The following RBMS3 variants were observed in gnomAD, a reference collection of about 807,000 sequenced individuals.
RBMS3 encodes the protein RNA-binding motif, single-stranded-interacting protein 3.
In RBMS3, 27 loss-of-function variants were observed where a neutral mutation model predicts 66.8. The ratio of observed to expected loss-of-function variants is 0.40; its 90% confidence interval spans 0.30 to 0.56. The LOEUF (loss-of-function observed/expected upper bound fraction) is 0.56. RBMS3 is among the 20% of genes least tolerant of loss of function. RBMS3 has a pLI of 0.40. For synonymous variants in RBMS3, 188 were observed against 183.0 expected (o/e 1.03, Z -0.22); for missense variants, 513 against 549.5 (o/e 0.93, Z 0.66).
intron 12 of RBMS3, among the ~76,000 whole-genome samples, chr3:29,944,715 A>C (rs996778638): frequency 2.0e-5 from 3 of 151,782 alleles, no homozygotes; most frequent in African/African-American, 7.2e-5. Flanking sequence ...CACCCTGCAT[A>C]GGGTCTGACA....
chr3:29,955,409 TCA>T (rs1695966688), intron 12 of RBMS3, among the ~76,000 whole-genome samples: 1 of 151,992 alleles, frequency 6.6e-6, no homozygotes, highest in African/African-American at 2.4e-5. Flanking sequence ...AATTTCAAAG[TCA>T]CTGCCACTCA....
chr3:29,466,050 T>C (rs2042531317), intron 2 of RBMS3, among the ~76,000 whole-genome samples: 1 of 151,990 alleles, frequency 6.6e-6, no homozygotes, highest in Non-Finnish European at 1.5e-5. Flanking sequence ...TCACTGCTTG[T>C]AGCTGTTTCT....
intron 6 of RBMS3, among the ~76,000 whole-genome samples, chr3:29,818,154 C>T (rs1194732815): frequency 6.6e-6 from 1 of 152,030 alleles, no homozygotes; most frequent in East Asian, 1.9e-4. Flanking sequence ...ACATGAGAAG[C>T]TTATTTAATA....
intron 3 of RBMS3, among the ~76,000 whole-genome samples, chr3:29,517,087 G>A (rs191068090): frequency 3.9e-5 from 6 of 151,972 alleles, no homozygotes; most frequent in Admixed American, 3.9e-4. Flanking sequence ...GGTGGCACGT[G>A]TCTGTCGCCC....
chr3:29,970,029 T>G (rs2149757121), intron 12 of RBMS3, among the ~76,000 whole-genome samples: 1 of 152,322 alleles, frequency 6.6e-6, no homozygotes, highest in South Asian at 2.1e-4. Context: ...TCTATAAGTG[T>G]GTATGAAATT....
intron 13 of RBMS3, among the ~76,000 whole-genome samples, chr3:29,990,210 G>C (rs1318723967): frequency 2.8e-5 from 4 of 145,254 alleles, no homozygotes; most frequent in Non-Finnish European, 6.1e-5. Flanking sequence ...ATTGAATAGA[G>C]AGACTTTTCA....
At chr3:29,337,438 C>T (rs973814655) in intron 1 of RBMS3, among the ~76,000 whole-genome samples, 2 of 151,854 alleles carry the variant, frequency 1.3e-5, no homozygotes, top group African/African-American at 4.8e-5. Flanking sequence ...CAGGAGTTGG[C>T]GACTAGCCTA....
At chr3:29,445,938 A>G (rs1202615140) in intron 2 of RBMS3, among the ~76,000 whole-genome samples, 1 of 152,136 alleles carries the variant, frequency 6.6e-6, no homozygotes, top group African/African-American at 2.4e-5. Context: ...TTGAGGAGTA[A>G]AATTAAGTGC....
chr3:29,647,198 C>T (rs1006303248), intron 4 of RBMS3, among the ~76,000 whole-genome samples: 4 of 152,072 alleles, frequency 2.6e-5, no homozygotes, highest in African/African-American at 7.2e-5. Flanking sequence ...AGGCTGGTCT[C>T]GAACTCCTGA....
At chr3:29,821,917 A>G (rs139250446) in intron 6 of RBMS3, among the ~76,000 whole-genome samples, 4 of 152,328 alleles carry the variant, frequency 2.6e-5, no homozygotes, top group African/African-American at 9.6e-5. Context: ...CAGAAATCTG[A>G]AAAGAAGTGA....
intron 8 of RBMS3, among the ~76,000 whole-genome samples, chr3:29,884,422 T>TCTCTCTC (rs2059810331): frequency 2.4e-5 from 1 of 41,842 alleles, no homozygotes; most frequent in African/African-American, 1.0e-4. Flanking sequence ...TTAAACCCTG[T>TCTCTCTC]TCTCTCTCTC....
chr3:29,416,652 A>G (rs2040488863), intron 1 of RBMS3, among the ~76,000 whole-genome samples: 1 of 151,824 alleles, frequency 6.6e-6, no homozygotes, highest in Non-Finnish European at 1.5e-5. Context: ...TGTTATTGCT[A>G]GCTGTTTTGT....
intron 6 of RBMS3, among the ~76,000 whole-genome samples, chr3:29,818,827 T>G (rs2057993256): frequency 6.6e-6 from 1 of 152,124 alleles, no homozygotes; most frequent in Non-Finnish European, 1.5e-5. Context: ...AAGCATAAAT[T>G]AGTTATGTTG....
At chr3:29,819,746 A>G (rs2058023160) in intron 6 of RBMS3, among the ~76,000 whole-genome samples, 1 of 152,198 alleles carries the variant, frequency 6.6e-6, no homozygotes, top group South Asian at 2.1e-4. Flanking sequence ...CATTCAGGGT[A>G]CTTATCAGAT....
chr3:29,755,409 T>A (rs1273123633), intron 5 of RBMS3, among the ~76,000 whole-genome samples: 1 of 152,188 alleles, frequency 6.6e-6, no homozygotes, highest in Non-Finnish European at 1.5e-5. Context: ...TGTTGATAGC[T>A]TTATGGTGTA....
intron 12 of RBMS3, among the ~76,000 whole-genome samples, chr3:29,948,609 C>A (rs1262725419): frequency 6.6e-6 from 1 of 151,778 alleles, no homozygotes; most frequent in Non-Finnish European, 1.5e-5. Flanking sequence ...CAATTAGCAA[C>A]AATTAGCCAT....
chr3:29,753,399 C>T (rs2055268798), intron 5 of RBMS3, among the ~76,000 whole-genome samples: 1 of 152,176 alleles, frequency 6.6e-6, no homozygotes, highest in South Asian at 2.1e-4. Context: ...CCCATCAGCC[C>T]ACTCTGTGAT....
chr3:29,549,393 AT>A (rs1463753218), intron 3 of RBMS3, among the ~76,000 whole-genome samples: 1 of 145,364 alleles, frequency 6.9e-6, no homozygotes, highest in Non-Finnish European at 1.5e-5. Flanking sequence ...ATACAATTGG[AT>A]TGATTTTTTT....
chr3:29,930,552 G>A (rs1214070252), intron 10 of RBMS3, among the ~76,000 whole-genome samples: 2 of 151,938 alleles, frequency 1.3e-5, no homozygotes, highest in Non-Finnish European at 2.9e-5. Flanking sequence ...ATTATTTGTC[G>A]TGGGGAACTG....
Sources: allele counts gnomAD v4.1 joint callset (sites outside exome capture counted in the v4.1 genomes callset), GRCh38; gene constraint gnomAD v4.1.1; transcripts MANE v1.5; gene names NCBI Gene and HGNC (gene_info 2026-07-23, HGNC 2026-07-21).